The following REPS1 variants were observed in gnomAD, a reference collection of about 807,000 sequenced individuals.
REPS1 encodes the protein RALBP1 associated Eps domain containing 1.
Under a neutral mutation model 100.9 loss-of-function variants are expected in REPS1, and 39 were observed. The ratio of observed to expected loss-of-function variants is 0.39; its 90% CI spans 0.30 to 0.50. REPS1 has a LOEUF of 0.50. Among genes scored for constraint, REPS1 ranks in the 20% least tolerant of loss-of-function variants. The pLI is 0.86. For missense variants in REPS1, 821 were observed against 968.5 expected (o/e 0.85, Z 2.02); for synonymous variants, 324 against 340.3 (o/e 0.95, Z 0.53).
intron 10 of REPS1, among the ~76,000 whole-genome samples, chr6:138,924,204 A>G (rs996120289): frequency 6.6e-6 from 1 of 152,206 alleles, no homozygotes; most frequent in Non-Finnish European, 1.5e-5. Context: ...CATAAAATAA[A>G]TATTTCTAGG....
intron 8 of REPS1, among the ~76,000 whole-genome samples, chr6:138,936,628 G>T (rs893022448): frequency 5.9e-5 from 8 of 134,850 alleles, no homozygotes; most frequent in East Asian, 2.5e-4. Flanking sequence ...TGTTTGGGGG[G>T]GGGTAGAGGT....
intron 1 of REPS1, 142 bp downstream of exon 1, chr6:138,987,388 C>T: frequency 1.1e-6 from 1 of 878,886 alleles, no homozygotes; most frequent in Non-Finnish European, 1.7e-6. Flanking sequence ...GCCTCCCGGG[C>T]ACCTGCGGCC....
intron 1 of REPS1, among the ~76,000 whole-genome samples, chr6:138,979,026 C>CA (rs1421719283): frequency 6.6e-6 from 1 of 151,780 alleles, no homozygotes; most frequent in African/African-American, 2.4e-5. Context: ...ACTAAGAAGA[C>CA]AAAAATCAGC....
chr6:138,928,908 T>G lies in REPS1; in HGVS notation c.1257+1069A>C, dbSNP rs567179655. The G allele has an allele frequency of 2.0e-5, 3 of 152,282 alleles. No homozygotes were observed. The South Asian group carries it at 6.2e-4, about 32-fold the overall frequency. 9.4% of individuals were successfully genotyped at this position (152,282 alleles called of 1,614,324 possible). A position where few individuals can be genotyped will look rare whatever the true frequency, so the allele number is the denominator to read the frequency against. Reference sequence around the variant, plus strand: ...AATGGTTTTGCATCCAATAGTAGGATGGATGGTGTGATGTTATAATGTCTC... The same window carrying G: ...AATGGTTTTGCATCCAATAGTAGGAGGGATGGTGTGATGTTATAATGTCTC... On this transcript the variant is annotated intron_variant, in intron 9 of 19. Coordinates refer to ENST00000450536, the MANE Select transcript of REPS1 (RefSeq NM_001286611.2).
chr6:138,961,853 G>T (rs1783760130), intron 1 of REPS1, among the ~76,000 whole-genome samples: 1 of 152,096 alleles, frequency 6.6e-6, no homozygotes. Context: ...ATGCCTTATG[G>T]GAGCAAGCAA....
At chr6:138,934,313 T>A in intron 8 of REPS1, 1 of 470,894 alleles carries the variant, frequency 2.1e-6, no homozygotes, top group Non-Finnish European at 4.4e-6. Flanking sequence ...CCTGACATCA[T>A]CAGAGCATCA....
chr6:138,914,639 A>T, intron 15 of REPS1, 58 bp downstream of exon 15: 1 of 1,339,668 alleles, frequency 7.5e-7, no homozygotes, highest in Non-Finnish European at 1.1e-6. Flanking sequence ...ATAGAATTAA[A>T]TACCTAGCAG....
Position 138,947,777 on chromosome 6 carries a change from A to G in REPS1, c.277+13T>C. ...CCTATTTTCTTTCGGTTACTAGTGT[A>G]CTCTATATTTACCTGTATTTATACT... On this transcript the variant is annotated intron_variant, in intron 2 of 19. Coordinates refer to ENST00000450536, the MANE Select transcript of REPS1 (RefSeq NM_001286611.2). The G allele has an allele frequency of 2.5e-6, 4 of 1,570,934 alleles. No individual in the cohort carries two copies. Among genetic ancestry groups the G allele is most frequent in the Non-Finnish European group, 3.4e-6 (4 of 1,163,800 alleles).
At chr6:138,964,959 C>T (rs2178333) in intron 1 of REPS1, among the ~76,000 whole-genome samples, 22,545 of 152,056 alleles carry the variant, frequency 0.15, 1,768 homozygotes, top group African/African-American at 0.17. Context: ...TTCAGTCAAA[C>T]AACCAATGTA....
At chr6:138,964,420 A>T (rs1339245296) in intron 1 of REPS1, among the ~76,000 whole-genome samples, 1 of 152,108 alleles carries the variant, frequency 6.6e-6, no homozygotes, top group Non-Finnish European at 1.5e-5. Flanking sequence ...GAAATATATA[A>T]AATTCATCAT....
Position 138,905,056 on chromosome 6 carries a change from C to T in REPS1, c.*8G>A, listed in dbSNP as rs1183888133. On this transcript the variant is annotated 3_prime_UTR_variant, in exon 20 of 20. Transcript: ENST00000450536. ...AAACAAGTATGTTCACAGTTAACGG[C>T]AATTGGCTTATAGGTGAGAGAATGG... 3 of 1,613,664 alleles carry T rather than the reference C, an allele frequency of 1.9e-6. No individual in the cohort carries two copies. The highest frequency in any genetic ancestry group is 2.5e-6 in the Non-Finnish European group (3 of 1,179,682).
chr6:138,955,741 C>T (rs372474123), intron 1 of REPS1, among the ~76,000 whole-genome samples: 2 of 152,062 alleles, frequency 1.3e-5, no homozygotes, highest in Non-Finnish European at 2.9e-5. Context: ...CACTTAACAC[C>T]TGTACAGATC....
chr6:138,905,913 A>G (rs188752031), intron 19 of REPS1, among the ~76,000 whole-genome samples: 1 of 152,316 alleles, frequency 6.6e-6, no homozygotes, highest in Admixed American at 6.5e-5. Context: ...GTTAGCCACC[A>G]TATTCTAACT....
At chr6:138,912,682 C>G (rs1780086919) in intron 16 of REPS1, 83 bp downstream of exon 16, 1 of 1,272,132 alleles carries the variant, frequency 7.9e-7, no homozygotes, top group Non-Finnish European at 1.1e-6. Flanking sequence ...CACTGATGTC[C>G]CCTCTAATAT....
intron 19 of REPS1, 155 bp downstream of exon 19, chr6:138,907,340 G>GTGTGTGTGTGTGTGTGT (rs1562506396): frequency 7.1e-5 from 35 of 490,504 alleles, no homozygotes; most frequent in Non-Finnish European, 1.1e-4. Context: ...GTGTGTGTGT[G>GTGTGTGTGTGTGTGTGT]GCGGGGAGGG....
At chr6:138,951,712 T>C (rs181378396) in intron 1 of REPS1, among the ~76,000 whole-genome samples, 4 of 152,302 alleles carry the variant, frequency 2.6e-5, no homozygotes, top group South Asian at 2.1e-4. Flanking sequence ...GGTGAGGCAA[T>C]AGCTCTCATA....
chr6:138,947,801 C>T lies in REPS1; in HGVS notation c.266G>A (p.Ser89Asn). 3 of 1,605,134 alleles carry T rather than the reference C, an allele frequency of 1.9e-6. No individual in the cohort carries two copies. Among genetic ancestry groups the T allele is most frequent in the Non-Finnish European group, 2.5e-6 (3 of 1,176,854 alleles). The change falls in exon 2 of 20, where the codon AGT becomes AAT. Residue 89 changes from serine to asparagine, a missense_variant. Coordinates refer to ENST00000450536, the MANE Select transcript of REPS1 (RefSeq NM_001286611.2). Reference sequence around the variant, plus strand: ...TACTCTATATTTACCTGTATTTATACTTTCCACTCTTAAAGGGAAACCAGA... The same window carrying T: ...TACTCTATATTTACCTGTATTTATATTTTCCACTCTTAAAGGGAAACCAGA... ...AQSGFPLRVESINTVKDLPLP... is the reference protein window; with the variant it reads ...AQSGFPLRVENINTVKDLPLP...
At chr6:138,942,442 C>A (rs972461309) in intron 7 of REPS1, among the ~76,000 whole-genome samples, 1 of 151,820 alleles carries the variant, frequency 6.6e-6, no homozygotes, top group Non-Finnish European at 1.5e-5. Flanking sequence ...ATCTGATAAT[C>A]GTTTTTTATT....
intron 13 of REPS1, among the ~76,000 whole-genome samples, chr6:138,916,741 A>C (rs1158091242): frequency 6.6e-6 from 1 of 152,204 alleles, no homozygotes; most frequent in African/African-American, 2.4e-5. Flanking sequence ...TTTAGAGGTG[A>C]CTATGCTCAA....
Sources: gnomAD v4.1 joint callset for allele counts (sites outside exome capture counted in the v4.1 genomes callset) on GRCh38, gnomAD v4.1.1 for gene constraint, MANE v1.5 for transcripts, NCBI Gene and HGNC (gene_info 2026-07-23, HGNC 2026-07-21) for gene names.